Variants in HAUS6 observed in about 807,000 individuals in gnomAD.
HAUS6 encodes HAUS augmin-like complex subunit 6.
Under a neutral mutation model 106.8 loss-of-function variants are expected in HAUS6, and 80 were observed. The ratio of observed to expected loss-of-function variants is 0.75; its 90% CI spans 0.63 to 0.90. The LOEUF is 0.90. Ranked by LOEUF, HAUS6 falls within the 40% of genes least tolerant of loss-of-function variation. The pLI, the probability that HAUS6 is intolerant of heterozygous loss-of-function variation, is 0.00. For synonymous variants in HAUS6, 356 were observed against 379.1 expected, an observed-to-expected ratio of 0.94 and a Z score of 0.71; for missense variants, 1,155 against 1,118.1, an observed-to-expected ratio of 1.03 and a Z score of -0.47.
At chr9:19,100,368 A>C (rs914397742) in intron 1 of HAUS6, among the ~76,000 whole-genome samples, 2 of 152,224 alleles carry the variant, frequency 1.3e-5, no homozygotes, top group Non-Finnish European at 2.9e-5. Context: ...TATCTCAAAA[A>C]ATAAAAACAA....
At chr9:19,073,343 T>C (rs967658221) in intron 11 of HAUS6, among the ~76,000 whole-genome samples, 1 of 151,792 alleles carries the variant, frequency 6.6e-6, no homozygotes, top group African/African-American at 2.4e-5. Flanking sequence ...ATGTAAGGTA[T>C]AGGAAGGCGG....
At chr9:19,092,150 C>T (rs945467719) in intron 4 of HAUS6, among the ~76,000 whole-genome samples, 1 of 151,964 alleles carries the variant, frequency 6.6e-6, no homozygotes, top group Non-Finnish European at 1.5e-5. Flanking sequence ...ATTATCCATA[C>T]AATAGTGATA....
intron 2 of HAUS6, 64 bp downstream of exon 2, chr9:19,096,610 T>C (rs1213918135): frequency 5.0e-6 from 3 of 595,156 alleles, no homozygotes; most frequent in Non-Finnish European, 8.8e-6. Context: ...CTGGCTTGTA[T>C]CAAAACGCTG....
At position 19,053,484 on chromosome 9, in the gene HAUS6, A is replaced by G. The variant is rs1836401595; in HGVS notation, c.*2859T>C. On this transcript the variant is annotated 3_prime_UTR_variant, in exon 17 of 17. Coordinates refer to ENST00000380502, the MANE Select transcript of HAUS6 (RefSeq NM_017645.5). ...CATGGTAAAGAAAAGGTATCAAAATACTCATATTTTTGTTTTCAGCTCAAT... is the reference window on the plus strand; with the variant it reads ...CATGGTAAAGAAAAGGTATCAAAATGCTCATATTTTTGTTTTCAGCTCAAT... The G allele has an allele frequency of 6.6e-6, 1 of 152,068 alleles. No homozygotes were observed. The highest frequency in any genetic ancestry group is 1.5e-5 in the Non-Finnish European group (1 of 67,982). 9.4% of individuals were successfully genotyped at this position (152,068 alleles called of 1,614,324 possible).
At chr9:19,093,085 C>T in intron 4 of HAUS6, 86 bp downstream of exon 4, 1 of 962,124 alleles carries the variant, frequency 1.0e-6, no homozygotes, top group Non-Finnish European at 1.5e-6. Flanking sequence ...CTTGATTTTA[C>T]TAAGATCTCT....
chr9:19,088,824 G>GC (rs35250543), intron 5 of HAUS6, among the ~76,000 whole-genome samples: 23,548 of 152,086 alleles, frequency 0.15, 2,318 homozygotes, highest in African/African-American at 0.28. Flanking sequence ...GTTGCAGTGA[G>GC]CCAAGATTGC....
intron 3 of HAUS6, among the ~76,000 whole-genome samples, chr9:19,093,505 G>A (rs1234579553): frequency 6.6e-6 from 1 of 152,224 alleles, no homozygotes; most frequent in Non-Finnish European, 1.5e-5. Context: ...CTGTGCAGCA[G>A]AGTGCAAAGC....
At chr9:19,084,507 A>G (rs926056643) in intron 7 of HAUS6, among the ~76,000 whole-genome samples, 2 of 152,208 alleles carry the variant, frequency 1.3e-5, no homozygotes, top group Admixed American at 1.3e-4. Context: ...TCTTGTATAT[A>G]TGTTATGCAT....
Position 19,087,140 on chromosome 9 carries a change from C to G in HAUS6, c.601G>C (p.Val201Leu), listed in dbSNP as rs778688942. The G allele has an allele frequency of 6.6e-7, 1 of 1,520,772 alleles. No individual in the cohort carries two copies. The highest frequency in any genetic ancestry group is 9.1e-7 in the Non-Finnish European group (1 of 1,095,714). 94.2% of individuals were successfully genotyped at this position (1,520,772 alleles called of 1,614,324 possible). ...ATACATTCAGATCTCAAGTTTCGTA[C>G]CTGCTTAACTGATAATCTGCAAGAA... ...QENAQLSVKQVRNLRSECIGL... is the reference protein window; with the variant it reads ...QENAQLSVKQLRNLRSECIGL... The change falls in exon 6 of 17, where the codon GTA becomes CTA. Residue 201 changes from valine (V) to leucine (L), a missense_variant. Val to Leu is a conservative substitution (Grantham distance 32). Transcript: ENST00000380502.
Position 19,062,512 on chromosome 9 carries a change from T to C in HAUS6, c.1629+496A>G, listed in dbSNP as rs115665930. ...ATGTAATATTAGCTAAATAAGTTTA[T>C]ATTAAATCTATTCTCACTTTTGAGG... On this transcript the variant is annotated intron_variant, in intron 14 of 16. Coordinates refer to ENST00000380502, the MANE Select transcript of HAUS6 (RefSeq NM_017645.5). 6.8e-3 allele frequency among the ~76,000 whole-genome samples: 1,039 copies of C among 152,348 alleles called. 10 individuals are homozygous for C. The highest frequency in any genetic ancestry group is 0.024 in the African/African-American group (995 of 41,580).
Position 19,102,555 on chromosome 9 carries a change from C to G in HAUS6, c.97G>C (p.Gly33Arg). 6.2e-7 allele frequency: 1 copy of G among 1,613,858 alleles called. No homozygotes were observed. The highest frequency in any genetic ancestry group is 8.5e-7 in the Non-Finnish European group (1 of 1,179,848). The change falls in exon 1 of 17, where the codon GGA (glycine) becomes CGA (arginine). Residue 33 changes from glycine to arginine, a missense_variant. Physicochemically the swap from Gly to Arg is moderately radical, Grantham distance 125. Around this residue, in one of 3 missense-constraint regions of HAUS6, gnomAD observed 761 missense variants for 690.0 expected, o/e 1.10. Coordinates refer to ENST00000380502, the MANE Select transcript of HAUS6 (RefSeq NM_017645.5). Reference sequence around the variant, plus strand: ...AGGTGCGTGTGCGACACGATCTTTCCGCAGGCAATGGTTGCCGGGCCTGGC... The same window carrying G: ...AGGTGCGTGTGCGACACGATCTTTCGGCAGGCAATGGTTGCCGGGCCTGGC... ...FEPGPATIACGKIVSHTHLGV... is the reference protein window; with the variant it reads ...FEPGPATIACRKIVSHTHLGV...
intron 4 of HAUS6, among the ~76,000 whole-genome samples, chr9:19,091,681 G>A (rs1817752385): frequency 6.6e-6 from 1 of 151,950 alleles, no homozygotes; most frequent in East Asian, 1.9e-4. Context: ...AAACTTTTTT[G>A]AGACTGAGTC....
intron 15 of HAUS6, 108 bp downstream of exon 15, chr9:19,059,980 T>C: frequency 1.2e-6 from 1 of 805,982 alleles, no homozygotes; most frequent in Non-Finnish European, 2.0e-6. Flanking sequence ...TACAACAGCA[T>C]AAATAAACAG....
intron 4 of HAUS6, 167 bp from the exon 5 acceptor site, chr9:19,089,726 A>C: frequency 7.7e-6 from 4 of 521,288 alleles, no homozygotes; most frequent in Non-Finnish European, 1.3e-5. Flanking sequence ...ATAAATACCA[A>C]AAATGTTGAA....
intron 15 of HAUS6, among the ~76,000 whole-genome samples, chr9:19,059,649 A>C (rs1836564070): frequency 6.6e-6 from 1 of 152,214 alleles, no homozygotes; most frequent in Admixed American, 6.5e-5. Flanking sequence ...TTATAGGAAA[A>C]AAGGTATTGG....
intron 7 of HAUS6, 113 bp downstream of exon 7, chr9:19,086,620 CA>C (rs372363190): frequency 0.17 from 60,235 of 364,272 alleles, 34 homozygotes; most frequent in South Asian, 0.19. Context: ...ACTCCAACTC[CA>C]AAAAAAAAAA....
intron 8 of HAUS6, among the ~76,000 whole-genome samples, chr9:19,081,412 T>G (rs1260573344): frequency 3.9e-5 from 6 of 152,094 alleles, no homozygotes; most frequent in Non-Finnish European, 8.8e-5. Flanking sequence ...TTAAAATCAT[T>G]TGAATTAGTT....
intron 12 of HAUS6, among the ~76,000 whole-genome samples, chr9:19,069,365 G>A: frequency 6.6e-6 from 1 of 152,126 alleles, no homozygotes; most frequent in East Asian, 1.9e-4. Flanking sequence ...GAAAATGTGG[G>A]TCTATGGTAG....
At chr9:19,075,940 C>A (rs1350594301) in intron 11 of HAUS6, among the ~76,000 whole-genome samples, 1 of 146,352 alleles carries the variant, frequency 6.8e-6, no homozygotes, top group Admixed American at 7.0e-5. Context: ...GCCTGGGCAA[C>A]AGAGCAAGAC....
Sources: allele counts gnomAD v4.1 joint callset (sites outside exome capture counted in the v4.1 genomes callset), GRCh38; gene constraint gnomAD v4.1.1; regional missense constraint gnomAD v4.1.1; transcripts MANE v1.5; gene names NCBI Gene and HGNC (gene_info 2026-07-23, HGNC 2026-07-21).